GET4: variants seen among roughly 807,000 people sequenced by gnomAD.
The protein encoded by GET4 is Golgi to ER traffic protein 4 homolog.
In GET4, 20 loss-of-function variants were observed where a neutral mutation model predicts 40.0. The observed-to-expected ratio is 0.50, with a 90% CI of 0.35 to 0.73. The LOEUF is 0.73. Among genes scored for constraint, GET4 ranks in the 30% least tolerant of loss-of-function variants. GET4 has a pLI of 0.01. For synonymous variants in GET4, 280 were observed against 194.6 expected (o/e 1.44, Z -3.65); for missense variants, 557 against 454.0 (o/e 1.23, Z -2.06).
intron 4 of GET4, among the ~76,000 whole-genome samples, chr7:888,473 C>T (rs578224778): frequency 4.6e-5 from 7 of 152,360 alleles, no homozygotes; most frequent in Non-Finnish European, 8.8e-5. Flanking sequence ...CAGGCTTTCC[C>T]GACCTTCTCC....
intron 4 of GET4, among the ~76,000 whole-genome samples, chr7:887,818 C>T (rs1461188965): frequency 6.6e-6 from 1 of 152,252 alleles, no homozygotes; most frequent in African/African-American, 2.4e-5. Context: ...CTGCTCCTTT[C>T]TGGAACATTC....
intron 2 of GET4, 151 bp downstream of exon 2, chr7:886,285 C>T: frequency 1.6e-6 from 1 of 629,908 alleles, no homozygotes; most frequent in South Asian, 1.9e-5. Context: ...CCAGAGTCCC[C>T]CCTGGCTTGG....
At chr7:892,674 G>T (rs1033722006) in intron 6 of GET4, among the ~76,000 whole-genome samples, 1 of 150,572 alleles carries the variant, frequency 6.6e-6, no homozygotes, top group Admixed American at 6.6e-5. Context: ...GGGAGTGTAG[G>T]TGTTGGGCCT....
chr7:893,414 G>GTGCAGGTGAGTGTTGGGTGCAGGCATGGT lies in GET4; in HGVS notation c.747-308_747-280dup, dbSNP rs1296377551. Among the ~76,000 whole-genome samples, 3 of 141,902 alleles carry GTGCAGGTGAGTGTTGGGTGCAGGCATGGT rather than the reference G, an allele frequency of 2.1e-5. No homozygotes were observed. The South Asian group carries it at 6.8e-4, about 32-fold the overall frequency. 93.1% of individuals were successfully genotyped at this position (141,902 alleles called of 152,430 possible). A position where few individuals can be genotyped will look rare whatever the true frequency, so the allele number is the denominator to read the frequency against. ...GTGTTGGGCGTGGGCGCGGTGGTGTGTGCAGGTGAGTGTTGGGTGCAGGCA... is the reference window on the plus strand; with the variant it reads ...GTGTTGGGCGTGGGCGCGGTGGTGTGTGCAGGTGAGTGTTGGGTGCAGGCATGGTTGCAGGTGAGTGTTGGGTGCAGGCA... On this transcript the variant is annotated intron_variant, in intron 6 of 8. Coordinates refer to ENST00000265857, the MANE Select transcript of GET4 (RefSeq NM_015949.3).
At chr7:881,469 C>G (rs866730297) in intron 1 of GET4, 3 of 152,124 alleles carry the variant, frequency 2.0e-5, no homozygotes, top group South Asian at 4.1e-4. Context: ...TGAATTCATT[C>G]ACCACGGAGG....
At position 893,978 on chromosome 7, in the gene GET4, C is replaced by CGG; in HGVS notation, c.895+10_895+11dup. 1 of 1,574,952 alleles carries CGG rather than the reference C, an allele frequency of 6.3e-7. No homozygotes were observed. The highest frequency in any genetic ancestry group is 8.6e-7 in the Non-Finnish European group (1 of 1,157,904). On this transcript the variant is annotated splice_region_variant and intron_variant, in intron 8 of 8. Coordinates refer to ENST00000265857, the MANE Select transcript of GET4 (RefSeq NM_015949.3). ...TCCTACGGGGGCCTGCTCGGTAAGCCGGGGCGCCCTTGTCACACCCACTCC... is the reference window on the plus strand; with the variant it reads ...TCCTACGGGGGCCTGCTCGGTAAGCCGGGGGGCGCCCTTGTCACACCCACTCC...
intron 1 of GET4, among the ~76,000 whole-genome samples, chr7:879,299 C>T (rs963642833): frequency 2.0e-5 from 3 of 152,220 alleles, no homozygotes; most frequent in Non-Finnish European, 4.4e-5. Flanking sequence ...CGCGGTGCCA[C>T]GTGCTGGTGA....
intron 1 of GET4, among the ~76,000 whole-genome samples, chr7:878,657 C>A (rs2128626197): frequency 6.6e-6 from 1 of 151,108 alleles, no homozygotes; most frequent in South Asian, 2.1e-4. Context: ...CGGCTCACTG[C>A]AACCTCCACC....
chr7:877,072 C>T (rs1028939300), intron 1 of GET4, among the ~76,000 whole-genome samples: 2 of 151,810 alleles, frequency 1.3e-5, no homozygotes. Flanking sequence ...TCCCCTACTC[C>T]CAGCCTCCAC....
chr7:886,002 G>C, intron 1 of GET4, 54 bp from the exon 2 acceptor site: 1 of 1,030,068 alleles, frequency 9.7e-7, no homozygotes, highest in South Asian at 1.3e-5. Context: ...ATGAGCGGGG[G>C]AGCGCGGTGG....
intron 5 of GET4, among the ~76,000 whole-genome samples, chr7:891,449 C>G (rs376460654): frequency 6.6e-6 from 1 of 151,974 alleles, no homozygotes; most frequent in African/African-American, 2.4e-5. Flanking sequence ...CTCGCTGGGG[C>G]GTCCTGCAGG....
intron 2 of GET4, 73 bp downstream of exon 2, chr7:886,207 C>T (rs530092421): frequency 2.8e-5 from 27 of 969,230 alleles, no homozygotes; most frequent in Non-Finnish European, 4.0e-5. Context: ...TGACCTCCCA[C>T]CTCCACTGAT....
chr7:892,422 C>T lies in GET4; in HGVS notation c.746+4C>T, dbSNP rs774501093. 18 of 1,584,528 alleles carry T rather than the reference C, an allele frequency of 1.1e-5. No individual in the cohort carries two copies. The highest frequency in any genetic ancestry group is 5.5e-5 in the South Asian group (5 of 90,436). On this transcript the variant is annotated splice_donor_region_variant and intron_variant, in intron 6 of 8. Coordinates refer to ENST00000265857, the MANE Select transcript of GET4 (RefSeq NM_015949.3). Reference sequence around the variant, plus strand: ...TCCTGCTGCTGGCTGTGGACGGGTGCGTCTTGGGATCCTGCAGGGGGAGGG... The same window carrying T: ...TCCTGCTGCTGGCTGTGGACGGGTGTGTCTTGGGATCCTGCAGGGGGAGGG...
chr7:881,943 C>T (rs1190612549), intron 1 of GET4: 1 of 152,222 alleles, frequency 6.6e-6, no homozygotes, highest in Non-Finnish European at 1.5e-5. Flanking sequence ...ATTCTGTCCC[C>T]GCATTAGTTT....
intron 1 of GET4, chr7:881,441 A>G (rs1844084772): frequency 6.7e-6 from 1 of 149,450 alleles, no homozygotes; most frequent in South Asian, 2.2e-4. Context: ...CACAGTGCGC[A>G]CTTTCTGTCT....
rs1408711648 is a variant in GET4, at chr7:895,414, C to G, written c.976C>G (p.Leu326Val). ...ESPSDGSPIE[L>V]D is the part of the protein sequence containing the mutation. ...CCCCAGCGACGGCAGCCCCATCGAG[C>G]TGGACTGAACTGGCCAGGCCACGTG... is the stretch of plus-strand genomic sequence containing the variant. Residue 326 changes from leucine to valine, a missense_variant, in exon 9 of 9, where the codon CTG becomes GTG. Leu to Val is a conservative substitution (Grantham distance 32). Transcript: ENST00000265857. 3.2e-6 allele frequency: 5 copies of G among 1,552,322 alleles called. No homozygotes were observed. Among genetic ancestry groups the G allele is most frequent in the Non-Finnish European group, 4.4e-6 (5 of 1,126,230 alleles).
At chr7:883,306 A>G (rs1460639908) in intron 1 of GET4, 1 of 154,896 alleles carries the variant, frequency 6.5e-6, no homozygotes, top group African/African-American at 2.4e-5. Context: ...TGTCTTGAGT[A>G]TTTCCTCTTC....
Position 895,687 on chromosome 7 carries a change from C to T in GET4, c.*265C>T, listed in dbSNP as rs900197947. On this transcript the variant is annotated 3_prime_UTR_variant, in exon 9 of 9. Transcript: ENST00000265857. ...CCACAATAAAGCACAGGCCTTACCGCGGCGTCACCCTCTCCCACTCCTTTG... is the reference window on the plus strand; with the variant it reads ...CCACAATAAAGCACAGGCCTTACCGTGGCGTCACCCTCTCCCACTCCTTTG... 24 of 288,426 alleles carry T rather than the reference C, an allele frequency of 8.3e-5. No individual in the cohort carries two copies. The highest frequency in any genetic ancestry group is 1.2e-4 in the Non-Finnish European group (19 of 153,398). 17.9% of individuals were successfully genotyped at this position (288,426 alleles called of 1,614,324 possible).
At position 892,390 on chromosome 7, in the gene GET4, A is replaced by G. The variant is rs1844346454; in HGVS notation, c.718A>G (p.Ile240Val). The change falls in exon 6 of 9, where the codon ATC becomes GTC. Residue 240 changes from isoleucine (I) to valine (V), a missense_variant. Physicochemically the swap from Ile to Val is conservative, Grantham distance 29. Coordinates refer to ENST00000265857, the MANE Select transcript of GET4 (RefSeq NM_015949.3). ...GTTTGTGGAGCCGCTGCTTAACTTCATCTGGTTCCTGCTGCTGGCTGTGGA... is the reference window on the plus strand; with the variant it reads ...GTTTGTGGAGCCGCTGCTTAACTTCGTCTGGTTCCTGCTGCTGGCTGTGGA... ...PPFVEPLLNF[I>V]WFLLLAVDGG... 6 of 1,591,838 alleles carry G rather than the reference A, an allele frequency of 3.8e-6. No individual in the cohort carries two copies. The highest frequency in any genetic ancestry group is 1.7e-5 in the Admixed American group (1 of 59,738).
Sources: gnomAD v4.1 joint callset for allele counts (sites outside exome capture counted in the v4.1 genomes callset) on GRCh38, gnomAD v4.1.1 for gene constraint, MANE v1.5 for transcripts, NCBI Gene and HGNC (gene_info 2026-07-23, HGNC 2026-07-21) for gene names.